KLF8: variants seen among roughly 807,000 people sequenced by gnomAD.
KLF8 encodes KLF transcription factor 8.
A neutral mutation model predicts 18.2 loss-of-function variants in KLF8; 10 were observed. The observed-to-expected ratio is 0.55, with a 90% CI of 0.34 to 0.93. KLF8 has a LOEUF of 0.93. Ranked by LOEUF, KLF8 falls within the 40% of genes least tolerant of loss-of-function variation. The pLI, the probability that KLF8 is intolerant of heterozygous loss-of-function variation, is 0.02. For missense variants in KLF8, 264 were observed against 277.9 expected, an observed-to-expected ratio of 0.95 and a Z score of 0.36; for synonymous variants, 109 against 97.3, an observed-to-expected ratio of 1.12 and a Z score of -0.71.
At chrX:56,269,893 C>G (rs1476003666) in intron 4 of KLF8, among the ~76,000 whole-genome samples, 1 of 111,650 alleles carries the variant, frequency 9.0e-6, no homozygotes, top group Non-Finnish European at 1.9e-5. Flanking sequence ...GAAAATGAAA[C>G]TTATTGAAGT....
At chrX:56,214,548 C>T in the KLF8 span, among the ~76,000 whole-genome samples, 1 of 112,082 alleles carries the variant, frequency 8.9e-6, no homozygotes, top group Non-Finnish European at 1.9e-5. Context: ...GATGAATGAC[C>T]TCAGTCAATC....
chrX:55,928,735 G>C, the KLF8 span, among the ~76,000 whole-genome samples: 1 of 112,305 alleles, frequency 8.9e-6, no homozygotes, highest in Non-Finnish European at 1.9e-5. Flanking sequence ...ATTCCATGGT[G>C]TATATGTGCC....
the KLF8 span, among the ~76,000 whole-genome samples, chrX:56,086,920 G>A: frequency 9.1e-3 from 1,009 of 111,489 alleles, 14 homozygotes; most frequent in African/African-American, 0.031. Flanking sequence ...AGCACCAAAG[G>A]ACAGTGATAT....
the KLF8 span, among the ~76,000 whole-genome samples, chrX:56,159,515 C>T: frequency 8.9e-6 from 1 of 112,252 alleles, no homozygotes; most frequent in Non-Finnish European, 1.9e-5. Flanking sequence ...TCCATCTGGT[C>T]CTCGACTTTT....
At position 56,265,207 on chromosome X, in the gene KLF8, C is replaced by A. The variant is rs762366439; in HGVS notation, c.109C>A (p.Pro37Thr). The change falls in exon 3 of 6, where the codon CCC becomes ACC. Residue 37 changes from proline (P) to threonine (T), a missense_variant. Coordinates refer to ENST00000468660, the MANE Select transcript of KLF8 (RefSeq NM_007250.5). ...CACTGCTTCTGTTCGGAACAGAGAT[C>A]CCCCTGAGATAGAATACAGAAGTAA... ...QVTASVRNRD[P>T]PEIEYRSNMT... 1 of 1,203,155 alleles carries A rather than the reference C, an allele frequency of 8.3e-7. No homozygotes were observed. The highest frequency in any genetic ancestry group is 3.0e-5 in the East Asian group (1 of 33,757).
chrX:56,284,103 A>G (rs1170788476), intron 5 of KLF8, among the ~76,000 whole-genome samples: 1 of 112,554 alleles, frequency 8.9e-6, no homozygotes, highest in African/African-American at 3.2e-5. Flanking sequence ...CCATTCCACA[A>G]TGTATATACA....
chrX:55,915,921 C>T, the KLF8 span, among the ~76,000 whole-genome samples: 1 of 111,943 alleles, frequency 8.9e-6, no homozygotes, highest in Admixed American at 9.5e-5. Flanking sequence ...CTTATATATG[C>T]TTCCCTTGGC....
chrX:56,093,905 ATGTGTGTGTGTGTGTG>A, the KLF8 span, among the ~76,000 whole-genome samples: 6 of 89,003 alleles, frequency 6.7e-5, no homozygotes, highest in South Asian at 5.8e-4. Flanking sequence ...TATATATTAT[ATGTGTGTGTGTGTGTG>A]TGTGTGTGTG....
the KLF8 span, among the ~76,000 whole-genome samples, chrX:56,216,353 G>C: frequency 1.8e-5 from 2 of 109,952 alleles, no homozygotes; most frequent in Admixed American, 1.9e-4. Context: ...CCTCAACAAA[G>C]CTCTTTGTTT....
At chrX:56,137,687 G>A in the KLF8 span, among the ~76,000 whole-genome samples, 180 of 106,734 alleles carry the variant, frequency 1.7e-3, 1 homozygote, top group African/African-American at 6.1e-3. Flanking sequence ...CACCTGCATG[G>A]CACATGTATA....
chrX:55,943,996 A>C, the KLF8 span, among the ~76,000 whole-genome samples: 1 of 112,277 alleles, frequency 8.9e-6, no homozygotes, highest in Non-Finnish European at 1.9e-5. Context: ...TTTTTGATAG[A>C]AATGTTCCTT....
At chrX:56,206,826 C>T in the KLF8 span, among the ~76,000 whole-genome samples, 1 of 112,987 alleles carries the variant, frequency 8.9e-6, no homozygotes, top group East Asian at 2.8e-4. Context: ...CCACATTTCC[C>T]TTCCACACTG....
chrX:55,969,658 GT>G, the KLF8 span, among the ~76,000 whole-genome samples: 1 of 111,389 alleles, frequency 9.0e-6, no homozygotes, highest in African/African-American at 3.2e-5. Flanking sequence ...AAAAGTTGTG[GT>G]TTTTTAAAAG....
the KLF8 span, among the ~76,000 whole-genome samples, chrX:55,993,027 A>T: frequency 9.0e-6 from 1 of 111,503 alleles, no homozygotes; most frequent in East Asian, 2.8e-4. Flanking sequence ...CTAGGTATAG[A>T]ATCACATCAT....
chrX:56,061,614 G>A, the KLF8 span, among the ~76,000 whole-genome samples: 1 of 111,763 alleles, frequency 8.9e-6, no homozygotes, highest in Non-Finnish European at 1.9e-5. Flanking sequence ...TAAGTGCAAT[G>A]TGGTGCTGAG....
In KLF8 at chrX:56,233,328, T is replaced by C; in HGVS notation, c.-7T>C. On this transcript the variant is annotated 5_prime_UTR_variant, in exon 1 of 6. Transcript: ENST00000468660. ...TCTGGACACTTCAGGAGTCCTCAGC[T>C]AGTGACATGGTCGGTAAGTGACTCT... is the stretch of plus-strand genomic sequence containing the variant. The C allele has an allele frequency of 8.3e-7, 1 of 1,199,309 alleles. No individual in the cohort carries two copies. Among genetic ancestry groups the C allele is most frequent in the South Asian group, 1.8e-5 (1 of 56,677 alleles).
chrX:56,101,949 T>A, the KLF8 span, among the ~76,000 whole-genome samples: 1 of 111,785 alleles, frequency 8.9e-6, no homozygotes, highest in Non-Finnish European at 1.9e-5. Flanking sequence ...ACCCCTCTAG[T>A]TTAGTTAGGT....
intron 1 of KLF8, among the ~76,000 whole-genome samples, chrX:56,235,438 C>T (rs1288740055): frequency 3.3e-5 from 3 of 91,712 alleles, no homozygotes; most frequent in Non-Finnish European, 4.2e-5. Context: ...TTTTTTGACA[C>T]GGTGTTTCGC....
the KLF8 span, among the ~76,000 whole-genome samples, chrX:56,136,296 A>C: frequency 9.8e-4 from 110 of 111,817 alleles, no homozygotes; most frequent in African/African-American, 3.5e-3. Context: ...CGCATCGCCA[A>C]GTCAATCTAA....
Sources: gnomAD v4.1 joint callset for allele counts (sites outside exome capture counted in the v4.1 genomes callset) on GRCh38, gnomAD v4.1.1 for gene constraint, MANE v1.5 for transcripts, NCBI Gene and HGNC (gene_info 2026-07-23, HGNC 2026-07-21) for gene names.